The following ENOX1 variants were observed in gnomAD, a reference collection of about 807,000 sequenced individuals.
ENOX1 encodes candidate growth-related and time keeping constitutive hydroquinone (NADH) oxidase.
In ENOX1, 42 loss-of-function variants were observed where a neutral mutation model predicts 82.5. That is an observed-to-expected ratio of 0.51 (90% CI 0.40 to 0.66). The LOEUF (loss-of-function observed/expected upper bound fraction) is 0.66, where lower values mean the gene tolerates loss of function less well. Among genes scored for constraint, ENOX1 ranks in the 30% least tolerant of loss-of-function variants. The pLI is 0.00. For synonymous variants in ENOX1, 271 were observed against 282.2 expected, an observed-to-expected ratio of 0.96 and a Z score of 0.40; for missense variants, 608 against 811.6, an observed-to-expected ratio of 0.75 and a Z score of 3.05.
At chr13:43,733,387 T>C (rs1276937602) in intron 1 of ENOX1, among the ~76,000 whole-genome samples, 2 of 152,186 alleles carry the variant, frequency 1.3e-5, no homozygotes, top group African/African-American at 4.8e-5. Flanking sequence ...GTTCAGTTAT[T>C]TTCCACACAA....
chr13:43,712,356 G>A (rs1042703951), intron 1 of ENOX1, among the ~76,000 whole-genome samples: 42 of 151,984 alleles, frequency 2.8e-4, no homozygotes, highest in South Asian at 1.9e-3. Context: ...CAGGTAGCAT[G>A]ATGCCTCCAG....
chr13:43,401,785 C>A (rs183741185), intron 5 of ENOX1, among the ~76,000 whole-genome samples: 1 of 152,096 alleles, frequency 6.6e-6, no homozygotes, highest in Non-Finnish European at 1.5e-5. Context: ...CCTCAGAAAC[C>A]GGATGAAATT....
At chr13:43,431,467 C>T (rs1208898738) in intron 3 of ENOX1, among the ~76,000 whole-genome samples, 1 of 152,118 alleles carries the variant, frequency 6.6e-6, no homozygotes, top group Admixed American at 6.6e-5. Flanking sequence ...TTCTACTAGC[C>T]TTATTTTCTT....
intron 1 of ENOX1, among the ~76,000 whole-genome samples, chr13:43,712,245 T>G (rs1471746860): frequency 4.1e-5 from 6 of 147,706 alleles, no homozygotes; most frequent in East Asian, 2.0e-4. Context: ...TATGCGGCAT[T>G]ATTTCTGAGG....
At chr13:43,413,931 T>C (rs2054293788) in intron 3 of ENOX1, among the ~76,000 whole-genome samples, 1 of 151,898 alleles carries the variant, frequency 6.6e-6, no homozygotes, top group South Asian at 2.1e-4. Context: ...ATGACAAGTT[T>C]GATCTTAAGT....
chr13:43,546,649 C>T (rs2078986656), intron 2 of ENOX1: 1 of 152,242 alleles, frequency 6.6e-6, no homozygotes, highest in South Asian at 2.1e-4. Flanking sequence ...ATGCTCCTCA[C>T]ACCCCCAGCT....
intron 2 of ENOX1, among the ~76,000 whole-genome samples, chr13:43,572,244 CT>C (rs2080217787): frequency 6.6e-6 from 1 of 152,100 alleles, no homozygotes; most frequent in Non-Finnish European, 1.5e-5. Context: ...GATTTTGTAC[CT>C]TTGCACCTAA....
chr13:43,277,854 G>A (rs977859233), intron 12 of ENOX1, among the ~76,000 whole-genome samples: 1 of 152,144 alleles, frequency 6.6e-6, no homozygotes, highest in African/African-American at 2.4e-5. Flanking sequence ...CCAAAGGGAG[G>A]AGTGAGTTTT....
At chr13:43,371,098 C>T (rs187189610) in intron 5 of ENOX1, among the ~76,000 whole-genome samples, 19 of 152,150 alleles carry the variant, frequency 1.2e-4, no homozygotes, top group East Asian at 5.8e-4. Flanking sequence ...TCTTTCTGTA[C>T]GATGTTATGT....
chr13:43,718,422 C>T (rs2088303834), intron 1 of ENOX1, among the ~76,000 whole-genome samples: 1 of 152,026 alleles, frequency 6.6e-6, no homozygotes, highest in South Asian at 2.1e-4. Context: ...AAAAAGCCAC[C>T]TACTGGGTAC....
chr13:43,301,948 A>T (rs9562471), intron 11 of ENOX1, among the ~76,000 whole-genome samples: 50,726 of 152,032 alleles, frequency 0.33, 8,646 homozygotes, highest in South Asian at 0.52. Context: ...AAATTCAGAA[A>T]TTGGAAAGGG....
At chr13:43,388,250 C>T (rs1033216586) in intron 5 of ENOX1, among the ~76,000 whole-genome samples, 2 of 152,038 alleles carry the variant, frequency 1.3e-5, no homozygotes, top group African/African-American at 2.4e-5. Flanking sequence ...GTGGAATAAG[C>T]CAGAAGACTA....
chr13:43,599,644 A>T (rs1052388003), intron 2 of ENOX1, among the ~76,000 whole-genome samples: 1 of 151,966 alleles, frequency 6.6e-6, no homozygotes, highest in Non-Finnish European at 1.5e-5. Context: ...TTGTTGGGCC[A>T]AAAGTCAGTG....
intron 16 of ENOX1, among the ~76,000 whole-genome samples, chr13:43,218,458 C>A (rs1488433251): frequency 6.6e-6 from 1 of 152,136 alleles, no homozygotes; most frequent in Non-Finnish European, 1.5e-5. Flanking sequence ...GAGACCCAAT[C>A]TCTACAAAAC....
intron 14 of ENOX1, among the ~76,000 whole-genome samples, chr13:43,243,112 G>C (rs2042916750): frequency 6.9e-6 from 1 of 145,418 alleles, no homozygotes. Context: ...CTCCAGCCTG[G>C]GCAACAGAGT....
At chr13:43,696,590 C>T (rs1430190980) in intron 1 of ENOX1, among the ~76,000 whole-genome samples, 1 of 152,162 alleles carries the variant, frequency 6.6e-6, no homozygotes, top group African/African-American at 2.4e-5. Flanking sequence ...ATAGGGCACA[C>T]CGAAAGGATA....
At chr13:43,253,414 T>C (rs1229849801) in intron 14 of ENOX1, among the ~76,000 whole-genome samples, 1 of 152,140 alleles carries the variant, frequency 6.6e-6, no homozygotes, top group East Asian at 1.9e-4. Flanking sequence ...AGATGAGCAG[T>C]GTGTGAAGAA....
intron 1 of ENOX1, among the ~76,000 whole-genome samples, chr13:43,782,946 A>G (rs1236202813): frequency 6.6e-6 from 1 of 152,198 alleles, no homozygotes. Flanking sequence ...AAAGACTGAA[A>G]CAAATATTAT....
chr13:43,235,596 G>T (rs2042499995), intron 15 of ENOX1, among the ~76,000 whole-genome samples: 1 of 152,122 alleles, frequency 6.6e-6, no homozygotes, highest in Non-Finnish European at 1.5e-5. Flanking sequence ...GCTGGGCGTG[G>T]TGGTGTGCAC....
Sources: allele counts gnomAD v4.1 joint callset (sites outside exome capture counted in the v4.1 genomes callset), GRCh38; gene constraint gnomAD v4.1.1; transcripts MANE v1.5; gene names NCBI Gene and HGNC (gene_info 2026-07-23, HGNC 2026-07-21).